The following GNAQ variants were observed in gnomAD, a reference collection of about 807,000 sequenced individuals.
GNAQ encodes the protein guanine nucleotide-binding protein G(q) subunit alpha.
Under a neutral mutation model 43.9 loss-of-function variants are expected in GNAQ, and 8 were observed. That is an observed-to-expected ratio of 0.18 (90% CI 0.11 to 0.33). GNAQ has a LOEUF of 0.33. Among genes scored for constraint, GNAQ ranks in the 10% least tolerant of loss-of-function variants. The pLI is 1.00. For missense variants in GNAQ, 158 were observed against 450.8 expected, an observed-to-expected ratio of 0.35 and a Z score of 5.88; for synonymous variants, 155 against 170.7, an observed-to-expected ratio of 0.91 and a Z score of 0.71.
At chr9:77,934,488 G>T (rs1219634212) in intron 1 of GNAQ, among the ~76,000 whole-genome samples, 22 of 152,010 alleles carry the variant, frequency 1.4e-4, no homozygotes, top group Admixed American at 1.4e-3. Flanking sequence ...ATCTTTCAAG[G>T]TAGGGGAATT....
chr9:77,867,950 C>A (rs775063431), intron 2 of GNAQ, among the ~76,000 whole-genome samples: 13 of 152,190 alleles, frequency 8.5e-5, no homozygotes, highest in Non-Finnish European at 1.5e-4. Flanking sequence ...TCAAACTTGA[C>A]AAATAATTTA....
At chr9:77,764,652 T>G in intron 5 of GNAQ, among the ~76,000 whole-genome samples, 1 of 152,256 alleles carries the variant, frequency 6.6e-6, no homozygotes, top group East Asian at 1.9e-4. Context: ...AGACGGGGTT[T>G]CACCGTGTTA....
At chr9:78,003,101 C>T (rs1823663414) in intron 1 of GNAQ, among the ~76,000 whole-genome samples, 1 of 152,172 alleles carries the variant, frequency 6.6e-6, no homozygotes, top group Non-Finnish European at 1.5e-5. Context: ...GGAAATTTAG[C>T]AACCAAGTTA....
chr9:77,825,100 T>A (rs1284086578), intron 2 of GNAQ, among the ~76,000 whole-genome samples: 1 of 152,204 alleles, frequency 6.6e-6, no homozygotes, highest in Non-Finnish European at 1.5e-5. Flanking sequence ...GCTACAATGG[T>A]GAATGTTAAG....
intron 3 of GNAQ, among the ~76,000 whole-genome samples, chr9:77,800,394 T>TA (rs1826723346): frequency 6.6e-6 from 1 of 151,982 alleles, no homozygotes; most frequent in Admixed American, 6.6e-5. Flanking sequence ...TATGCACCCA[T>TA]AAAAAATGAT....
chr9:77,862,443 T>C (rs540731910), intron 2 of GNAQ, among the ~76,000 whole-genome samples: 2 of 152,304 alleles, frequency 1.3e-5, no homozygotes, highest in East Asian at 1.9e-4. Flanking sequence ...AGGCTAATAC[T>C]ATGTGGAAGC....
intron 1 of GNAQ, among the ~76,000 whole-genome samples, chr9:78,024,923 A>C (rs1231151310): frequency 6.6e-6 from 1 of 152,170 alleles, no homozygotes; most frequent in Non-Finnish European, 1.5e-5. Flanking sequence ...TCATAATTTG[A>C]TTTTTAAGTA....
intron 1 of GNAQ, among the ~76,000 whole-genome samples, chr9:77,985,845 C>T (rs1017678230): frequency 6.6e-6 from 1 of 152,182 alleles, no homozygotes; most frequent in Non-Finnish European, 1.5e-5. Flanking sequence ...GCTTCAGCCT[C>T]CCAAAGTGCT....
chr9:77,961,107 CT>C (rs1409738039), intron 1 of GNAQ, among the ~76,000 whole-genome samples: 1 of 152,102 alleles, frequency 6.6e-6, no homozygotes, highest in Non-Finnish European at 1.5e-5. Context: ...AAAGTAGATG[CT>C]TTTAGAACCT....
At chr9:77,743,277 AC>A (rs1825680626) in intron 5 of GNAQ, among the ~76,000 whole-genome samples, 1 of 151,554 alleles carries the variant, frequency 6.6e-6, no homozygotes, top group South Asian at 2.1e-4. Context: ...CAAAAAACAA[AC>A]AAACAAACAA....
intron 1 of GNAQ, among the ~76,000 whole-genome samples, chr9:78,015,679 T>C (rs1325453759): frequency 2.0e-5 from 3 of 151,684 alleles, no homozygotes; most frequent in Non-Finnish European, 4.4e-5. Context: ...CCACATTCTA[T>C]CAAAATGACC....
intron 1 of GNAQ, among the ~76,000 whole-genome samples, chr9:77,994,843 G>A (rs960135883): frequency 2.6e-5 from 4 of 152,040 alleles, no homozygotes; most frequent in African/African-American, 9.7e-5. Context: ...TTTTGTTCTA[G>A]GCCTAAATAT....
chr9:77,926,065 G>A (rs1346870379), intron 1 of GNAQ, among the ~76,000 whole-genome samples: 1 of 152,050 alleles, frequency 6.6e-6, no homozygotes, highest in African/African-American at 2.4e-5. Flanking sequence ...TTGAATCCAT[G>A]GATATGGAAC....
chr9:77,747,303 G>T (rs2118280300), intron 5 of GNAQ, among the ~76,000 whole-genome samples: 1 of 152,248 alleles, frequency 6.6e-6, no homozygotes, highest in Admixed American at 6.5e-5. Context: ...CAAGCTCATT[G>T]CTGGGAGTGA....
At chr9:77,898,511 A>G (rs1011248425) in intron 2 of GNAQ, among the ~76,000 whole-genome samples, 6 of 152,198 alleles carry the variant, frequency 3.9e-5, no homozygotes, top group African/African-American at 1.4e-4. Context: ...TTAGCAATTC[A>G]AGAGCAACCT....
intron 2 of GNAQ, among the ~76,000 whole-genome samples, chr9:77,869,023 C>T (rs1353825305): frequency 1.3e-5 from 2 of 152,028 alleles, no homozygotes; most frequent in Non-Finnish European, 2.9e-5. Context: ...TGCTAAACAC[C>T]AGGGGACAAG....
intron 5 of GNAQ, among the ~76,000 whole-genome samples, chr9:77,761,177 T>C (rs368289497): frequency 0.093 from 3,285 of 35,444 alleles, no homozygotes; most frequent in Middle Eastern, 0.15. Flanking sequence ...GGGGTCAGCC[T>C]CCCGCCCGGC....
intron 1 of GNAQ, among the ~76,000 whole-genome samples, chr9:78,000,132 A>G (rs539591773): frequency 6.6e-6 from 1 of 152,324 alleles, no homozygotes; most frequent in South Asian, 2.1e-4. Context: ...TCCAAAATCT[A>G]ATCTATCATC....
In GNAQ at chr9:77,716,302, C is replaced by T; in HGVS notation, c.*5021G>A. On this transcript the variant is annotated 3_prime_UTR_variant, in exon 7 of 7. Coordinates refer to ENST00000286548, the MANE Select transcript of GNAQ (RefSeq NM_002072.5). The stretch of plus-strand genomic sequence containing the variant: ...TGGCCAAAAATACTGTATTTTTAAC[C>T]AGCAAGATCATTGGGGCATTATTAT... 2 of 231,658 alleles carry T rather than the reference C, an allele frequency of 8.6e-6. No individual in the cohort carries two copies. The highest frequency in any genetic ancestry group is 1.7e-5 in the Non-Finnish European group (2 of 117,108). 14.4% of individuals were successfully genotyped at this position (231,658 alleles called of 1,614,324 possible).
Sources: gnomAD v4.1 joint callset for allele counts (sites outside exome capture counted in the v4.1 genomes callset) on GRCh38, gnomAD v4.1.1 for gene constraint, MANE v1.5 for transcripts, NCBI Gene and HGNC (gene_info 2026-07-23, HGNC 2026-07-21) for gene names.